CLIC5: variants seen among roughly 807,000 people sequenced by gnomAD.
The protein encoded by CLIC5 is chloride intracellular channel protein 5.
In CLIC5, 20 loss-of-function variants were observed where a neutral mutation model predicts 24.7. That is an observed-to-expected ratio of 0.81 (90% confidence interval 0.57 to 1.18). CLIC5 has a LOEUF of 1.18. Among genes scored for constraint, CLIC5 ranks in the 50% most tolerant of loss-of-function variants. CLIC5 has a pLI of 0.00. For missense variants in CLIC5, 341 were observed against 326.1 expected, an observed-to-expected ratio of 1.05 and a Z score of -0.35; for synonymous variants, 159 against 135.6, an observed-to-expected ratio of 1.17 and a Z score of -1.20.
At chr6:45,890,303 T>C (rs991731413) in intron 6 of CLIC5, among the ~76,000 whole-genome samples, 3 of 152,058 alleles carry the variant, frequency 2.0e-5, no homozygotes, top group East Asian at 3.9e-4. Context: ...CCAACAGATA[T>C]ATGAAAAAAA....
chr6:45,925,193 G>A (rs1763431054), intron 4 of CLIC5, among the ~76,000 whole-genome samples: 1 of 152,124 alleles, frequency 6.6e-6, no homozygotes, highest in South Asian at 2.1e-4. Flanking sequence ...ATGCTATATA[G>A]GTTTTGCTAA....
intron 1 of CLIC5, among the ~76,000 whole-genome samples, chr6:46,059,120 T>TA: frequency 6.6e-6 from 1 of 152,338 alleles, no homozygotes; most frequent in Admixed American, 6.5e-5. Context: ...CTCAAATCTG[T>TA]AATAAATCCC....
chr6:45,898,407 C>T (rs1230281513), downstream of CLIC5: 1 of 152,046 alleles, frequency 6.6e-6, no homozygotes, highest in African/African-American at 2.4e-5. Flanking sequence ...TCATCTAAAA[C>T]AGCACAGGAA....
chr6:46,056,446 C>G (rs1168951628), intron 1 of CLIC5, among the ~76,000 whole-genome samples: 1 of 152,080 alleles, frequency 6.6e-6, no homozygotes, highest in Non-Finnish European at 1.5e-5. Context: ...ACCACTGCAC[C>G]CCCGACAAAC....
chr6:46,112,664 G>A, the CLIC5 span, among the ~76,000 whole-genome samples: 1 of 152,176 alleles, frequency 6.6e-6, no homozygotes, highest in South Asian at 2.1e-4. Flanking sequence ...ATGGGGATGA[G>A]AAATTCAAAG....
At chr6:46,005,972 C>T (rs1766537939) in intron 1 of CLIC5, among the ~76,000 whole-genome samples, 1 of 125,052 alleles carries the variant, frequency 8.0e-6, no homozygotes, top group East Asian at 2.2e-4. Context: ...AGGACAGAGC[C>T]TATGTGTGTA....
chr6:46,030,740 A>G (rs1193080612), intron 1 of CLIC5, among the ~76,000 whole-genome samples: 1 of 152,194 alleles, frequency 6.6e-6, no homozygotes, highest in African/African-American at 2.4e-5. Context: ...GTTGCTTGAA[A>G]TACTTTCTTC....
At chr6:45,980,949 C>A (rs576534711) in intron 1 of CLIC5, among the ~76,000 whole-genome samples, 1 of 152,054 alleles carries the variant, frequency 6.6e-6, no homozygotes, top group South Asian at 2.1e-4. Flanking sequence ...ATTACAGGTT[C>A]ATTTAGTGCT....
intron 4 of CLIC5, among the ~76,000 whole-genome samples, 154 bp downstream of exon 4, chr6:45,941,393 T>C (rs1764124206): frequency 2.2e-5 from 1 of 45,720 alleles, no homozygotes; most frequent in African/African-American, 9.6e-5. Flanking sequence ...GGGGACAAGA[T>C]GGTGGTGGCG....
At chr6:45,885,907 G>A (rs1221806043) in intron 6 of CLIC5, among the ~76,000 whole-genome samples, 2 of 152,272 alleles carry the variant, frequency 1.3e-5, no homozygotes, top group African/African-American at 2.4e-5. Context: ...CCTGAGAGCC[G>A]AATCAAAATA....
chr6:45,904,719 C>A (rs973365410), intron 5 of CLIC5, among the ~76,000 whole-genome samples: 1 of 147,510 alleles, frequency 6.8e-6, no homozygotes, highest in African/African-American at 2.5e-5. Flanking sequence ...CTCACTCTCT[C>A]TCTCCTTCTC....
chr6:45,953,079 G>C (rs1186576544), intron 2 of CLIC5, among the ~76,000 whole-genome samples: 3 of 152,120 alleles, frequency 2.0e-5, no homozygotes, highest in Non-Finnish European at 4.4e-5. Flanking sequence ...TCATAACTGA[G>C]GTATTATGAA....
chr6:45,927,414 G>A (rs1228765856), intron 4 of CLIC5, among the ~76,000 whole-genome samples: 9 of 152,252 alleles, frequency 5.9e-5, no homozygotes, highest in African/African-American at 2.2e-4. Flanking sequence ...TGGGAAACCA[G>A]GATATGCCAC....
chr6:46,045,320 T>G (rs1345431339), intron 1 of CLIC5, among the ~76,000 whole-genome samples: 1 of 152,234 alleles, frequency 6.6e-6, no homozygotes, highest in East Asian at 1.9e-4. Context: ...CATATTGAAA[T>G]GTACTTTATT....
chr6:45,925,317 C>CTTT (rs10691767), intron 4 of CLIC5, among the ~76,000 whole-genome samples: 2,573 of 136,246 alleles, frequency 0.019, 94 homozygotes, highest in African/African-American at 0.067. Flanking sequence ...CATTATTCCG[C>CTTT]TTTTTTTTTT....
At chr6:46,010,646 C>G (rs1766774620) in intron 1 of CLIC5, among the ~76,000 whole-genome samples, 1 of 152,188 alleles carries the variant, frequency 6.6e-6, no homozygotes, top group Non-Finnish European at 1.5e-5. Context: ...CAGGAGCTCT[C>G]AACACTGGCA....
the CLIC5 span, among the ~76,000 whole-genome samples, chr6:46,095,777 C>A: frequency 6.6e-6 from 1 of 152,220 alleles, no homozygotes; most frequent in Non-Finnish European, 1.5e-5. Context: ...GAGCCTTCTA[C>A]ATTCTTCCAA....
chr6:45,914,419 A>G lies in CLIC5; in HGVS notation c.407-10T>C. ...AGGCCTCTTTCAAGAGCTGGCATGA[A>G]AGAGTAAAAGGGCCTTTATTCAAAC... is the stretch of plus-strand genomic sequence containing the variant. On this transcript the variant is annotated splice_polypyrimidine_tract_variant and intron_variant, in intron 4 of 5. Transcript: ENST00000339561. The G allele has an allele frequency of 6.4e-7, 1 of 1,557,832 alleles. No homozygotes were observed. The highest frequency in any genetic ancestry group is 2.3e-5 in the East Asian group (1 of 43,686).
chr6:45,996,464 G>C (rs1372209889), intron 1 of CLIC5, among the ~76,000 whole-genome samples: 2 of 152,130 alleles, frequency 1.3e-5, no homozygotes, highest in Admixed American at 6.5e-5. Context: ...TTCTTCTAGG[G>C]TTTTTATGGT....
Sources: gnomAD v4.1 joint callset for allele counts (sites outside exome capture counted in the v4.1 genomes callset) on GRCh38, gnomAD v4.1.1 for gene constraint, MANE v1.5 for transcripts, NCBI Gene and HGNC (gene_info 2026-07-23, HGNC 2026-07-21) for gene names.